STT3A: variants seen among roughly 807,000 people sequenced by gnomAD.
The protein encoded by STT3A is dolichyl-diphosphooligosaccharide--protein glycosyltransferase subunit STT3A.
In STT3A, 34 loss-of-function variants were observed where a neutral mutation model predicts 89.2. That is an observed-to-expected ratio of 0.38 (90% CI 0.29 to 0.51). The LOEUF (loss-of-function observed/expected upper bound fraction) is 0.51, where lower values mean the gene tolerates loss of function less well. Among genes scored for constraint, STT3A ranks in the 20% least tolerant of loss-of-function variants. STT3A has a pLI of 0.89. For synonymous variants in STT3A, 282 were observed against 310.3 expected, an observed-to-expected ratio of 0.91 and a Z score of 0.96; for missense variants, 555 against 889.5, an observed-to-expected ratio of 0.62 and a Z score of 4.78.
upstream of STT3A, chr11:125,592,744 T>G (rs1419650794): frequency 6.8e-6 from 2 of 295,498 alleles, no homozygotes; most frequent in East Asian, 1.9e-4. Flanking sequence ...GGTTTACGCC[T>G]CCGGATTTGA....
In STT3A at chr11:125,621,725, T is replaced by C. The variant is rs572822155; in HGVS notation, c.*915T>C. On this transcript the variant is annotated 3_prime_UTR_variant, in exon 18 of 18. Coordinates refer to ENST00000392708, the MANE Select transcript of STT3A (RefSeq NM_152713.5). The stretch of plus-strand genomic sequence containing the variant: ...GTTACCAAGTTCAACTACCTAATTT[T>C]GAAGCTCTTTCCAAATAAGATACAA... 2.0e-5 allele frequency: 3 copies of C among 152,174 alleles called. No individual in the cohort carries two copies. Among genetic ancestry groups the C allele is most frequent in the Non-Finnish European group, 2.9e-5 (2 of 68,036 alleles). 9.4% of individuals were successfully genotyped at this position (152,174 alleles called of 1,614,324 possible). A position where few individuals can be genotyped will look rare whatever the true frequency, so the allele number is the denominator to read the frequency against.
rs1313745268 is a variant in STT3A, at chr11:125,614,561, A to C, written c.1774+135A>C. ...TCATGGGAAGTTCCTAAGTATTTGC[A>C]ACTTGAGGTTTGGGTATTTTGATTT... On this transcript the variant is annotated intron_variant, in intron 15 of 17. Transcript: ENST00000392708. The surrounding 1 kb of genome is among the most constrained non-coding windows in gnomAD (Gnocchi z 4.9). 2 of 855,314 alleles carry C rather than the reference A, an allele frequency of 2.3e-6. No individual in the cohort carries two copies. The highest frequency in any genetic ancestry group is 3.5e-6 in the Non-Finnish European group (2 of 564,248). The allele number at this position is 855,314 out of a possible 1,614,324, so 53.0% of individuals were successfully genotyped here.
rs141344020 is a variant in STT3A at position 125,606,558 on chromosome 11, C to T, written c.780+93C>T. The T allele has an allele frequency of 4.7e-4, 648 of 1,369,652 alleles. 6 individuals are homozygous for T. The East Asian group carries it at 0.011, about 24-fold the overall frequency. The allele number at this position is 1,369,652 out of a possible 1,614,324, so 84.8% of individuals were successfully genotyped here. A position where few individuals can be genotyped will look rare whatever the true frequency, so the allele number is the denominator to read the frequency against. Reference sequence around the variant, plus strand: ...ATCTTAGATTCTGTTAAGAAGAGTACGACTTATTCACAGCCTTTATATTGA... The same window carrying T: ...ATCTTAGATTCTGTTAAGAAGAGTATGACTTATTCACAGCCTTTATATTGA... On this transcript the variant is annotated intron_variant, in intron 8 of 17. Transcript: ENST00000392708.
chr11:125,597,146 T>TA, intron 3 of STT3A, 27 bp downstream of exon 3: 1 of 1,613,434 alleles, frequency 6.2e-7, no homozygotes, highest in Non-Finnish European at 8.5e-7. Context: ...GATCTGGTAT[T>TA]ATTTCCTTTG....
Position 125,600,607 on chromosome 11 carries a change from C to A in STT3A, c.150-1696C>A, listed in dbSNP as rs1291179813. Among the ~76,000 whole-genome samples, 7 of 151,970 alleles carry A rather than the reference C, an allele frequency of 4.6e-5. No individual in the cohort carries two copies. In the East Asian group the frequency reaches 7.8e-4, roughly 17 times the overall value. The stretch of plus-strand genomic sequence containing the variant: ...TGAACTCCTGAGCTCAAGTGATCCA[C>A]CTGCCTTGGCCTACTAAAGTATTGG... On this transcript the variant is annotated intron_variant, in intron 3 of 17. Coordinates refer to ENST00000392708, the MANE Select transcript of STT3A (RefSeq NM_152713.5).
intron 8 of STT3A, among the ~76,000 whole-genome samples, chr11:125,607,753 G>A (rs965372998): frequency 6.6e-6 from 1 of 152,218 alleles, no homozygotes; most frequent in Admixed American, 6.5e-5. Flanking sequence ...ATAGAGAGGA[G>A]TGATTGATTT....
At chr11:125,593,501 CG>C (rs1159404478) in intron 1 of STT3A, 1 of 152,172 alleles carries the variant, frequency 6.6e-6, no homozygotes, top group Non-Finnish European at 1.5e-5. Context: ...CCAAAGAGCA[CG>C]AGATGAAATC....
At position 125,614,533 on chromosome 11, in the gene STT3A, C is replaced by A. The variant is rs1940119444; in HGVS notation, c.1774+107C>A. ...ACTAATATTTTACTAAGATATTTTTCTTTCATGGGAAGTTCCTAAGTATTT... is the reference window on the plus strand; with the variant it reads ...ACTAATATTTTACTAAGATATTTTTATTTCATGGGAAGTTCCTAAGTATTT... On this transcript the variant is annotated intron_variant, in intron 15 of 17. Transcript: ENST00000392708. This position sits in a 1 kb window ranked among gnomAD's most constrained non-coding sequence, Gnocchi z 4.9. 5 of 1,153,720 alleles carry A rather than the reference C, an allele frequency of 4.3e-6. No individual in the cohort carries two copies. Among genetic ancestry groups the A allele is most frequent in the Non-Finnish European group, 6.1e-6 (5 of 817,386 alleles). 71.5% of individuals were successfully genotyped at this position (1,153,720 alleles called of 1,614,324 possible).
At chr11:125,594,306 G>A (rs551085560) in intron 1 of STT3A, among the ~76,000 whole-genome samples, 25 of 152,282 alleles carry the variant, frequency 1.6e-4, no homozygotes, top group African/African-American at 5.8e-4. Context: ...GTAGGTCTGG[G>A]CGTGGTAGCT....
At chr11:125,609,825 A>G (rs1939949095) in intron 10 of STT3A, 2 of 452,378 alleles carry the variant, frequency 4.4e-6, no homozygotes, top group Non-Finnish European at 3.8e-6. Context: ...CATTTGTGTT[A>G]TAAGTTAAAA....
intron 5 of STT3A, 36 bp downstream of exon 5, chr11:125,602,984 A>C (rs1229677384): frequency 6.2e-7 from 1 of 1,612,114 alleles, no homozygotes; most frequent in African/African-American, 1.3e-5. Context: ...CTTGGGAATG[A>C]ATGTTATTGA....
chr11:125,606,226 T>G, intron 7 of STT3A, 75 bp from the exon 8 acceptor site: 1 of 1,351,470 alleles, frequency 7.4e-7, no homozygotes, highest in Non-Finnish European at 1.0e-6. Context: ...GAGTCACAGG[T>G]GATATCCTAC....
intron 16 of STT3A, among the ~76,000 whole-genome samples, chr11:125,619,686 C>T (rs890524461): frequency 6.6e-6 from 1 of 152,086 alleles, no homozygotes; most frequent in African/African-American, 2.4e-5. Context: ...AGGCTTTTTT[C>T]TCTGATCCAT....
chr11:125,620,864 T>C lies in STT3A; in HGVS notation c.*54T>C, dbSNP rs75078860. 331 of 1,399,310 alleles carry C rather than the reference T, an allele frequency of 2.4e-4. 2 individuals carry two copies. In the East Asian group the frequency reaches 7.5e-3, roughly 32 times the overall value. The allele number at this position is 1,399,310 out of a possible 1,614,324, so 86.7% of individuals were successfully genotyped here. ...CACTGAGCACATCACATTTAGGACG[T>C]TGAAGATTTTTTTTTTTTTTTTTTT... is the stretch of plus-strand genomic sequence containing the variant. On this transcript the variant is annotated 3_prime_UTR_variant, in exon 18 of 18. Transcript: ENST00000392708.
Position 125,609,480 on chromosome 11 carries a change from C to T in STT3A, c.1008C>T (p.Pro336=), listed in dbSNP as rs1353580505. The change falls in exon 10 of 18, where the codon CCC becomes CCT. Residue 336 remains proline, a synonymous_variant. Transcript: ENST00000392708. The stretch of plus-strand genomic sequence containing the variant: ...GGCGTTTCTACTCGCTGCTGGATCC[C>T]TCTTATGCTAAGAACAACATCCCCA... ...WTGRFYSLLD[P]SYAKNNIPII... The T allele has an allele frequency of 6.2e-7, 1 of 1,614,134 alleles. No homozygotes were observed. Among genetic ancestry groups the T allele is most frequent in the Non-Finnish European group, 8.5e-7 (1 of 1,180,022 alleles).
In STT3A at chr11:125,606,136, TA is replaced by T. The variant is rs61607931; in HGVS notation, c.616-154del. 0.094 allele frequency: 49,184 copies of T among 522,796 alleles called. 2,077 individuals carry two copies. The highest frequency in any genetic ancestry group is 0.23 in the African/African-American group (11,551 of 51,104). The allele number at this position is 522,796 out of a possible 1,614,324, so 32.4% of individuals were successfully genotyped here. A position where few individuals can be genotyped will look rare whatever the true frequency, so the allele number is the denominator to read the frequency against. ...CATGTAAGGACTTGATTTTCCTGTT[TA>T]AAAAAAAAAATCAGTTATTTGAACT... On this transcript the variant is annotated intron_variant, in intron 7 of 17. Transcript: ENST00000392708.
chr11:125,595,749 G>T (rs1342194938), intron 1 of STT3A, 132 bp from the exon 2 acceptor site: 2 of 597,248 alleles, frequency 3.3e-6, no homozygotes, highest in Non-Finnish European at 6.0e-6. Context: ...TTGGATACTA[G>T]TATTAGCCTT....
rs1254521680 is a variant in STT3A, at chr11:125,612,685, A to G, written c.1303A>G (p.Ile435Val). Residue 435 changes from isoleucine to valine, a missense_variant, in exon 12 of 18, where the codon ATA becomes GTA. By Grantham distance (29) the Ile-to-Val change is conservative (BLOSUM62 3). Around this residue, in one of 5 missense-constraint regions of STT3A, gnomAD observed 273 missense variants for 449.8 expected, o/e 0.61. Transcript: ENST00000392708. ...VLSTYMKNLDISRPDKKSKKQ... is the reference protein window; with the variant it reads ...VLSTYMKNLDVSRPDKKSKKQ... ...GTCCACATACATGAAGAATCTGGAC[A>G]TAAGTCGTCCAGACAAGAAGAGCAA... 3 of 1,614,216 alleles carry G rather than the reference A, an allele frequency of 1.9e-6. No homozygotes were observed. The highest frequency in any genetic ancestry group is 1.7e-4 in the Middle Eastern group (1 of 6,060).
chr11:125,611,355 A>G, intron 10 of STT3A, 73 bp from the exon 11 acceptor site: 1 of 1,147,962 alleles, frequency 8.7e-7, no homozygotes, highest in Non-Finnish European at 1.3e-6. Context: ...CCAGTCATAT[A>G]ATGAAGATAC....
Sources: allele counts gnomAD v4.1 joint callset (sites outside exome capture counted in the v4.1 genomes callset), GRCh38; gene constraint gnomAD v4.1.1; regional missense constraint gnomAD v4.1.1; non-coding constraint Gnocchi (gnomAD v3.1); transcripts MANE v1.5; gene names NCBI Gene and HGNC (gene_info 2026-07-23, HGNC 2026-07-21).